The following PTK2B variants were observed in gnomAD, a reference collection of about 807,000 sequenced individuals.
PTK2B encodes protein-tyrosine kinase 2-beta.
A neutral mutation model predicts 142.9 loss-of-function variants in PTK2B; 71 were observed. That is an observed-to-expected ratio of 0.50 (90% CI 0.41 to 0.61). The LOEUF (loss-of-function observed/expected upper bound fraction) is 0.61. Ranked by LOEUF, PTK2B falls within the 20% of genes least tolerant of loss-of-function variation. The pLI is 0.00. For synonymous variants in PTK2B, 519 were observed against 503.4 expected (o/e 1.03, Z -0.42); for missense variants, 1,105 against 1,320.4 (o/e 0.84, Z 2.53).
intron 2 of PTK2B, among the ~76,000 whole-genome samples, chr8:27,414,719 ACT>A (rs1232562578): frequency 6.6e-6 from 1 of 151,648 alleles, no homozygotes; most frequent in African/African-American, 2.4e-5. Flanking sequence ...GGTTGGCTAG[ACT>A]CTCTAGGCTC....
intron 1 of PTK2B, among the ~76,000 whole-genome samples, chr8:27,349,244 CTGTT>C (rs1435321792): frequency 6.6e-6 from 1 of 152,164 alleles, no homozygotes; most frequent in East Asian, 1.9e-4. Context: ...ATCCCTTTTT[CTGTT>C]TGTTTTTTGG....
intron 2 of PTK2B, among the ~76,000 whole-genome samples, chr8:27,415,618 A>C (rs1363480315): frequency 6.6e-6 from 1 of 152,226 alleles, no homozygotes; most frequent in East Asian, 1.9e-4. Context: ...TTTGCCTGAG[A>C]GAACTTTCCA....
chr8:27,409,260 T>C (rs1396210629), intron 2 of PTK2B, among the ~76,000 whole-genome samples: 1 of 152,056 alleles, frequency 6.6e-6, no homozygotes, highest in Non-Finnish European at 1.5e-5. Context: ...TAGATAGATG[T>C]ATAAAGTTTT....
rs1268645683 is a variant in PTK2B, at chr8:27,391,561, ATT to A, written c.-37-5985_-37-5984del. Reference sequence around the variant, plus strand: ...GGCAAGAGTTAAGTTTTCCTGTGATATTTATTCCTGTAACCCTAGCATCTCCC... The same window carrying A: ...GGCAAGAGTTAAGTTTTCCTGTGATATATTCCTGTAACCCTAGCATCTCCC... On this transcript the variant is annotated intron_variant, in intron 1 of 30. Transcript: ENST00000346049. Among the ~76,000 whole-genome samples, 6 of 152,158 alleles carry A rather than the reference ATT, an allele frequency of 3.9e-5. No homozygotes were observed. The East Asian group carries it at 1.2e-3, about 29-fold the overall frequency.
At chr8:27,343,937 A>G (rs1057167819) in intron 1 of PTK2B, among the ~76,000 whole-genome samples, 2 of 152,168 alleles carry the variant, frequency 1.3e-5, no homozygotes, top group Non-Finnish European at 2.9e-5. Flanking sequence ...CAGGAGGCGG[A>G]GCTTGCAGTG....
intron 1 of PTK2B, among the ~76,000 whole-genome samples, chr8:27,328,932 T>C (rs1356100048): frequency 6.7e-6 from 1 of 148,436 alleles, no homozygotes; most frequent in African/African-American, 2.5e-5. Flanking sequence ...AAGGAGCCCT[T>C]GCGTGCAACC....
chr8:27,381,555 G>T (rs1262462137), intron 1 of PTK2B, among the ~76,000 whole-genome samples: 1 of 152,146 alleles, frequency 6.6e-6, no homozygotes, highest in African/African-American at 2.4e-5. Context: ...ATCTGTTGAT[G>T]GGCACTTCGG....
At position 27,458,279 on chromosome 8, in the gene PTK2B, G is replaced by A. The variant is rs1230000251; in HGVS notation, c.2815-15G>A. ...TTTGTGGCCTCTCAACCTGTCCTGT[G>A]TGATCTTCCTACAGATCGAGGGCAC... is the stretch of plus-strand genomic sequence containing the variant. On this transcript the variant is annotated splice_polypyrimidine_tract_variant and intron_variant, in intron 30 of 30. Coordinates refer to ENST00000346049, the MANE Select transcript of PTK2B (RefSeq NM_173176.3). 1.2e-6 allele frequency: 2 copies of A among 1,611,262 alleles called. No homozygotes were observed. Among genetic ancestry groups the A allele is most frequent in the Non-Finnish European group, 1.7e-6 (2 of 1,177,944 alleles).
chr8:27,414,293 G>A (rs1347296084), intron 2 of PTK2B, among the ~76,000 whole-genome samples: 1 of 151,950 alleles, frequency 6.6e-6, no homozygotes, highest in Non-Finnish European at 1.5e-5. Flanking sequence ...TGCCCAGGCT[G>A]GAGTTCAGTG....
chr8:27,451,445 G>T (rs753558044), intron 26 of PTK2B, 40 bp from the exon 27 acceptor site: 11 of 1,612,498 alleles, frequency 6.8e-6, no homozygotes, highest in East Asian at 6.7e-5. Flanking sequence ...CTCCACAGCC[G>T]CATGAGTGAC....
chr8:27,367,577 C>A (rs968649457), intron 1 of PTK2B, among the ~76,000 whole-genome samples: 5 of 152,176 alleles, frequency 3.3e-5, no homozygotes, highest in Admixed American at 1.3e-4. Context: ...GGGTTTGTAT[C>A]AATTTCTTTG....
chr8:27,428,978 G>T (rs1810246000), intron 5 of PTK2B, among the ~76,000 whole-genome samples: 1 of 152,102 alleles, frequency 6.6e-6, no homozygotes, highest in Non-Finnish European at 1.5e-5. Context: ...GGAGTGCAAT[G>T]GTGCAATCTC....
At chr8:27,426,994 A>G (rs79028736) in intron 5 of PTK2B, among the ~76,000 whole-genome samples, 2,522 of 152,306 alleles carry the variant, frequency 0.017, 28 homozygotes, top group Middle Eastern at 0.048. Flanking sequence ...TCATTTATTC[A>G]TTCAACAACA....
At chr8:27,429,228 A>C (rs1194452563) in intron 5 of PTK2B, among the ~76,000 whole-genome samples, 1 of 152,218 alleles carries the variant, frequency 6.6e-6, no homozygotes, top group Non-Finnish European at 1.5e-5. Flanking sequence ...TTCTAAAGAC[A>C]ATGAACTGTC....
intron 1 of PTK2B, among the ~76,000 whole-genome samples, chr8:27,366,800 G>C (rs1297866452): frequency 6.6e-6 from 1 of 151,248 alleles, no homozygotes; most frequent in African/African-American, 2.4e-5. Context: ...GTTTGTGGCT[G>C]TGTGGCTGTG....
At chr8:27,454,364 C>CTGT in intron 29 of PTK2B, 73 bp downstream of exon 29, 1 of 1,576,816 alleles carries the variant, frequency 6.3e-7, no homozygotes, top group Non-Finnish European at 8.6e-7. Flanking sequence ...ACTGCGCTTC[C>CTGT]TGTTGGCTGG....
intron 1 of PTK2B, among the ~76,000 whole-genome samples, chr8:27,345,561 C>A (rs1804664380): frequency 6.6e-6 from 1 of 152,178 alleles, no homozygotes; most frequent in Admixed American, 6.5e-5. Context: ...TAAAGGCAAG[C>A]TGAGCCAGGA....
rs139541658 is a variant in PTK2B, at chr8:27,347,938, A to G, written c.-38+22257A>G. ...AAGCTCTCATGCCAAGCAGGTGTCC[A>G]GTCTGTTTAAACACCCACAGAGATG... On this transcript the variant is annotated intron_variant, in intron 1 of 30. Transcript: ENST00000346049. 2.2e-3 allele frequency among the ~76,000 whole-genome samples: 335 copies of G among 152,330 alleles called. 1 individual carries two copies. Among genetic ancestry groups the G allele is most frequent in the Middle Eastern group, 3.4e-3 (1 of 294 alleles).
At chr8:27,378,942 A>T (rs1806844854) in intron 1 of PTK2B, among the ~76,000 whole-genome samples, 1 of 152,148 alleles carries the variant, frequency 6.6e-6, no homozygotes, top group African/African-American at 2.4e-5. Flanking sequence ...AAAGAGCTAA[A>T]GGAAGAAAGG....
Sources: gnomAD v4.1 joint callset for allele counts (sites outside exome capture counted in the v4.1 genomes callset) on GRCh38, gnomAD v4.1.1 for gene constraint, MANE v1.5 for transcripts, NCBI Gene and HGNC (gene_info 2026-07-23, HGNC 2026-07-21) for gene names.